The following ERBB4 variants were observed in gnomAD, a reference collection of about 807,000 sequenced individuals.
ERBB4 encodes receptor tyrosine-protein kinase erbB-4.
Under a neutral mutation model 158.0 loss-of-function variants are expected in ERBB4, and 42 were observed. That is an observed-to-expected ratio of 0.27 (90% CI 0.21 to 0.34). ERBB4 has a LOEUF of 0.34. Ranked by LOEUF, ERBB4 falls within the 10% of genes least tolerant of loss-of-function variation. The pLI is 1.00. For synonymous variants in ERBB4, 583 were observed against 558.7 expected (o/e 1.04, Z -0.61); for missense variants, 1,333 against 1,624.1 (o/e 0.82, Z 3.08).
intron 1 of ERBB4, among the ~76,000 whole-genome samples, chr2:212,344,715 T>G (rs375296930): frequency 6.6e-6 from 1 of 152,180 alleles, no homozygotes; most frequent in African/African-American, 2.4e-5. Flanking sequence ...GCAGTTAAAA[T>G]GTATTGCATC....
chr2:211,547,020 C>A (rs1470776526), intron 20 of ERBB4, among the ~76,000 whole-genome samples: 1 of 151,998 alleles, frequency 6.6e-6, no homozygotes, highest in East Asian at 1.9e-4. Context: ...AATCTACACA[C>A]GTGATAAAAC....
intron 16 of ERBB4, among the ~76,000 whole-genome samples, chr2:211,639,829 C>T (rs1041827997): frequency 1.3e-5 from 2 of 152,086 alleles, no homozygotes; most frequent in South Asian, 4.1e-4. Context: ...TCAAGCGACT[C>T]TCCTGACTTA....
intron 1 of ERBB4, among the ~76,000 whole-genome samples, chr2:212,201,585 T>C (rs1033889806): frequency 2.0e-5 from 3 of 152,210 alleles, no homozygotes; most frequent in Middle Eastern, 3.2e-3. Flanking sequence ...ATTCAGAATA[T>C]AGCTATGTCA....
At chr2:211,451,523 T>A (rs1041566452) in intron 20 of ERBB4, among the ~76,000 whole-genome samples, 3 of 152,104 alleles carry the variant, frequency 2.0e-5, no homozygotes, top group African/African-American at 7.2e-5. Context: ...TATTTCTCAA[T>A]GGTGGTCATG....
At chr2:211,744,452 C>A (rs2106191819) in intron 5 of ERBB4, among the ~76,000 whole-genome samples, 2 of 152,220 alleles carry the variant, frequency 1.3e-5, no homozygotes, top group Non-Finnish European at 2.9e-5. Flanking sequence ...AAACAAAAAC[C>A]TTTTCTTCAT....
At chr2:212,481,844 C>T (rs1689716537) in intron 1 of ERBB4, among the ~76,000 whole-genome samples, 1 of 152,144 alleles carries the variant, frequency 6.6e-6, no homozygotes, top group Non-Finnish European at 1.5e-5. Context: ...ACATTTTCAT[C>T]CATATATTTC....
chr2:211,429,257 C>A (rs748547011), intron 21 of ERBB4, among the ~76,000 whole-genome samples: 1 of 152,052 alleles, frequency 6.6e-6, no homozygotes, highest in African/African-American at 2.4e-5. Context: ...ACATTTTGGG[C>A]CACCAGTACA....
At chr2:212,445,223 G>C (rs1004185172) in intron 1 of ERBB4, among the ~76,000 whole-genome samples, 1 of 152,058 alleles carries the variant, frequency 6.6e-6, no homozygotes, top group Non-Finnish European at 1.5e-5. Flanking sequence ...TCTCCAGAAC[G>C]CCGTGTATGA....
chr2:212,246,087 C>T (rs16848048), intron 1 of ERBB4, among the ~76,000 whole-genome samples: 9,522 of 152,122 alleles, frequency 0.063, 353 homozygotes, highest in Non-Finnish European at 0.082. Flanking sequence ...TGTGCTGTCT[C>T]CAAGAGCTCT....
At chr2:211,777,151 T>A (rs777031584) in intron 4 of ERBB4, 1 of 152,118 alleles carries the variant, frequency 6.6e-6, no homozygotes, top group African/African-American at 2.4e-5. Context: ...CGTATATGCG[T>A]GAGCATATGT....
intron 2 of ERBB4, among the ~76,000 whole-genome samples, chr2:212,026,680 A>T (rs891822978): frequency 6.6e-6 from 1 of 151,870 alleles, no homozygotes; most frequent in African/African-American, 2.4e-5. Flanking sequence ...ATATTAAAAC[A>T]TGTTTTTTCG....
rs574790166 is a variant in ERBB4, at chr2:212,186,947, T to A, written c.83-62044A>T. 8.5e-5 allele frequency among the ~76,000 whole-genome samples: 13 copies of A among 152,232 alleles called. No individual in the cohort carries two copies. In the East Asian group the frequency reaches 2.5e-3, roughly 29 times the overall value. ...AAGGTAATGAACTAAGTTTTAAATT[T>A]GCCTACTTTTTGAAGTAGAACACTT... On this transcript the variant is annotated intron_variant, in intron 1 of 27. Coordinates refer to ENST00000342788, the MANE Select transcript of ERBB4 (RefSeq NM_005235.3).
chr2:211,983,514 C>T (rs537942739), intron 2 of ERBB4, among the ~76,000 whole-genome samples: 18 of 152,266 alleles, frequency 1.2e-4, no homozygotes, highest in Admixed American at 2.6e-4. Flanking sequence ...TTTTGTCATG[C>T]ATTTGTAAAG....
intron 12 of ERBB4, among the ~76,000 whole-genome samples, chr2:211,684,370 G>A (rs2072478353): frequency 6.6e-6 from 1 of 152,150 alleles, no homozygotes; most frequent in Non-Finnish European, 1.5e-5. Flanking sequence ...AGAATCGCTT[G>A]AAACCGGGAG....
At chr2:212,359,844 T>C (rs192117368) in intron 1 of ERBB4, among the ~76,000 whole-genome samples, 1 of 151,766 alleles carries the variant, frequency 6.6e-6, no homozygotes, top group East Asian at 1.9e-4. Context: ...ACAAAGAATG[T>C]TCTACTTTAC....
intron 20 of ERBB4, among the ~76,000 whole-genome samples, chr2:211,516,263 C>G (rs1188437086): frequency 6.6e-6 from 1 of 151,594 alleles, no homozygotes; most frequent in African/African-American, 2.4e-5. Flanking sequence ...GTAGGTAACA[C>G]ATTAATTTTT....
At chr2:212,201,309 A>T (rs981256141) in intron 1 of ERBB4, among the ~76,000 whole-genome samples, 1 of 152,142 alleles carries the variant, frequency 6.6e-6, no homozygotes, top group African/African-American at 2.4e-5. Flanking sequence ...TTCATAGTAC[A>T]TGAAATCCAC....
intron 2 of ERBB4, among the ~76,000 whole-genome samples, chr2:212,058,108 A>T (rs1293965275): frequency 2.0e-5 from 3 of 152,222 alleles, no homozygotes; most frequent in African/African-American, 7.2e-5. Context: ...TAAAGGGGAT[A>T]TCACCACTGA....
chr2:212,370,272 A>T (rs2090040973), intron 1 of ERBB4, among the ~76,000 whole-genome samples: 1 of 152,162 alleles, frequency 6.6e-6, no homozygotes, highest in South Asian at 2.1e-4. Context: ...TTCTGCCATG[A>T]TTGAAAGTTT....
Sources: gnomAD v4.1 joint callset for allele counts (sites outside exome capture counted in the v4.1 genomes callset) on GRCh38, gnomAD v4.1.1 for gene constraint, MANE v1.5 for transcripts, NCBI Gene and HGNC (gene_info 2026-07-23, HGNC 2026-07-21) for gene names.